ZNF189: variants seen among roughly 807,000 people sequenced by gnomAD.
The protein encoded by ZNF189 is zinc finger protein 189.
ZNF189 carries 33 observed loss-of-function variants against 53.5 expected under a neutral mutation model. The observed-to-expected ratio is 0.62, with a 90% CI of 0.47 to 0.82. ZNF189 has a LOEUF of 0.82. Among genes scored for constraint, ZNF189 ranks in the 40% least tolerant of loss-of-function variants. The probability of loss-of-function intolerance (pLI) is 0.00; values close to 1 mark genes in which losing one functional copy is unlikely to be tolerated. For missense variants in ZNF189, 711 were observed against 753.9 expected (o/e 0.94, Z 0.67); for synonymous variants, 247 against 238.8 (o/e 1.03, Z -0.32).
chr9:101,399,081 C>A lies in ZNF189; in HGVS notation c.-76C>A. 1 of 1,029,696 alleles carries A rather than the reference C, an allele frequency of 9.7e-7. No individual in the cohort carries two copies. The highest frequency in any genetic ancestry group is 1.5e-6 in the Non-Finnish European group (1 of 655,046). The allele number at this position is 1,029,696 out of a possible 1,614,324, so 63.8% of individuals were successfully genotyped here. A position where few individuals can be genotyped will look rare whatever the true frequency, so the allele number is the denominator to read the frequency against. ...CGTATTCGTCGAGCCTAATTTCCAG[C>A]AGCCGGGTAGGCCTCACCAGAGGCT... is the stretch of plus-strand genomic sequence containing the variant. On this transcript the variant is annotated 5_prime_UTR_variant, in exon 1 of 3. Transcript: ENST00000339664.
rs1366807803 is a variant in ZNF189, at chr9:101,409,536, C to T, written c.1768C>T (p.His590Tyr). 6.2e-7 allele frequency: 1 copy of T among 1,613,924 alleles called. No homozygotes were observed. Among genetic ancestry groups the T allele is most frequent in the Non-Finnish European group, 8.5e-7 (1 of 1,180,004 alleles). ...QRSLVNHQKI[H>Y]AEVKTQETHE... ...CAGTCTTGTCAACCATCAGAAGATCCATGCAGAGGTGAAAACCCAAGAAAC... is the reference window on the plus strand; with the variant it reads ...CAGTCTTGTCAACCATCAGAAGATCTATGCAGAGGTGAAAACCCAAGAAAC... Residue 590 changes from histidine (H) to tyrosine (Y), a missense_variant, in exon 3 of 3, where the codon CAT becomes TAT. Physicochemically the swap from His to Tyr is moderately conservative, Grantham distance 83 (BLOSUM62 2). Coordinates refer to ENST00000339664, the MANE Select transcript of ZNF189 (RefSeq NM_003452.4).
intron 2 of ZNF189, 69 bp from the exon 3 acceptor site, chr9:101,407,860 C>A: frequency 7.2e-7 from 1 of 1,395,850 alleles, no homozygotes; most frequent in Non-Finnish European, 9.5e-7. Flanking sequence ...TTTGTTTGCC[C>A]ATCTTACTTT....
In ZNF189 at chr9:101,408,230, A is replaced by G. The variant is rs750987078; in HGVS notation, c.462A>G (p.Gly154=). 7.4e-6 allele frequency: 12 copies of G among 1,614,072 alleles called. No homozygotes were observed. The highest frequency in any genetic ancestry group is 9.3e-6 in the Non-Finnish European group (11 of 1,180,038). Residue 154 remains glycine (G), a synonymous_variant, in exon 3 of 3, where the codon GGA becomes GGG. Transcript: ENST00000339664. ...EEKCHKCEEC[G]KGFVRKAHFI... ...AATGCCATAAATGTGAAGAATGTGG[A>G]AAGGGTTTTGTCCGCAAGGCCCATT...
Position 101,409,117 on chromosome 9 carries a change from A to G in ZNF189, c.1349A>G (p.Tyr450Cys). The change falls in exon 3 of 3, where the codon TAC (tyrosine) becomes TGC (cysteine). Residue 450 changes from tyrosine to cysteine, a missense_variant. By Grantham distance (194) the Tyr-to-Cys change is radical. Coordinates refer to ENST00000339664, the MANE Select transcript of ZNF189 (RefSeq NM_003452.4). Reference protein sequence around the residue: ...NCSLVIQQEVYPKEKSYKCDE... With the variant: ...NCSLVIQQEVCPKEKSYKCDE... ...AGTCTTGTTATACAGCAGGAAGTCTACCCTAAGGAGAAATCTTATAAATGT... is the reference window on the plus strand; with the variant it reads ...AGTCTTGTTATACAGCAGGAAGTCTGCCCTAAGGAGAAATCTTATAAATGT... 1.2e-6 allele frequency: 2 copies of G among 1,614,004 alleles called. No homozygotes were observed. The highest frequency in any genetic ancestry group is 1.7e-5 in the Admixed American group (1 of 60,006).
intron 2 of ZNF189, among the ~76,000 whole-genome samples, chr9:101,401,540 G>GA (rs911451725): frequency 3.3e-5 from 5 of 152,112 alleles, no homozygotes; most frequent in Admixed American, 6.5e-5. Context: ...GAGGAAAAAA[G>GA]AAAAAATCCC....
At chr9:101,401,109 C>G (rs1830515340) in intron 2 of ZNF189, among the ~76,000 whole-genome samples, 1 of 152,220 alleles carries the variant, frequency 6.6e-6, no homozygotes, top group Non-Finnish European at 1.5e-5. Context: ...TCACCTTTCT[C>G]TCTTTCCTAC....
At position 101,408,202 on chromosome 9, in the gene ZNF189, A is replaced by C. The variant is rs1830786680; in HGVS notation, c.434A>C (p.Glu145Ala). 6.2e-7 allele frequency: 1 copy of C among 1,614,088 alleles called. No homozygotes were observed. The highest frequency in any genetic ancestry group is 1.7e-5 in the Admixed American group (1 of 60,002). Residue 145 changes from glutamate (E) to alanine (A), a missense_variant, in exon 3 of 3, where the codon GAG (glutamate) becomes GCG (alanine). Glu to Ala is a moderately radical substitution (Grantham distance 107). Coordinates refer to ENST00000339664, the MANE Select transcript of ZNF189 (RefSeq NM_003452.4). ...NIIRKRPNSE[E>A]KCHKCEECGK... ...ATCCGTAAAAGACCAAACTCAGAAG[A>C]GAAATGCCATAAATGTGAAGAATGT...
rs765743762 is a variant in ZNF189, at chr9:101,408,308, A to T, written c.540A>T (p.Glu180Asp). 1 of 1,614,142 alleles carries T rather than the reference A, an allele frequency of 6.2e-7. No homozygotes were observed. Among genetic ancestry groups the T allele is most frequent in the Non-Finnish European group, 8.5e-7 (1 of 1,180,004 alleles). The change falls in exon 3 of 3, where the codon GAA (glutamate) becomes GAT (aspartate). Residue 180 changes from glutamate (E) to aspartate (D), a missense_variant. Transcript: ENST00000339664. ...HTGEKPFQCN[E>D]CGKSFSRSSF... ...GTGAGAAACCTTTTCAGTGCAATGA[A>T]TGTGGGAAAAGTTTTAGTCGCAGTT...
intron 2 of ZNF189, among the ~76,000 whole-genome samples, chr9:101,406,817 G>A (rs1433454707): frequency 6.6e-6 from 1 of 152,158 alleles, no homozygotes; most frequent in East Asian, 1.9e-4. Flanking sequence ...GGGCCTAGAT[G>A]TACTATATGA....
chr9:101,404,999 C>T (rs867245685), intron 2 of ZNF189, among the ~76,000 whole-genome samples: 5 of 149,636 alleles, frequency 3.3e-5, no homozygotes, highest in Admixed American at 6.7e-5. Context: ...ATCTTAAAAC[C>T]AAAAGTTTGC....
intron 2 of ZNF189, among the ~76,000 whole-genome samples, chr9:101,403,290 T>C (rs1311744095): frequency 6.6e-6 from 1 of 152,194 alleles, no homozygotes; most frequent in African/African-American, 2.4e-5. Flanking sequence ...GATCTTCTAC[T>C]TGTAGGCTGT....
rs936332619 is a variant in ZNF189 at position 101,408,472 on chromosome 9, A to G, written c.704A>G (p.Asn235Ser). The G allele has an allele frequency of 5.0e-6, 8 of 1,614,120 alleles. No homozygotes were observed. The highest frequency in any genetic ancestry group is 6.8e-6 in the Non-Finnish European group (8 of 1,180,010). The change falls in exon 3 of 3, where the codon AAT becomes AGT. Residue 235 changes from asparagine to serine, a missense_variant. Asn to Ser is a conservative substitution (Grantham distance 46). Coordinates refer to ENST00000339664, the MANE Select transcript of ZNF189 (RefSeq NM_003452.4). ...IHTGERPYQC[N>S]QCKQSFSQRR... ...ACTGGAGAAAGACCCTATCAGTGTAATCAGTGTAAACAGAGCTTCAGCCAG... is the reference window on the plus strand; with the variant it reads ...ACTGGAGAAAGACCCTATCAGTGTAGTCAGTGTAAACAGAGCTTCAGCCAG...
At chr9:101,399,312 G>A in intron 1 of ZNF189, 123 bp downstream of exon 1, 1 of 1,435,428 alleles carries the variant, frequency 7.0e-7, no homozygotes. Flanking sequence ...CCAGCGCCTT[G>A]CAAGGAACTC....
rs1830851458 is a variant in ZNF189 at position 101,409,381 on chromosome 9, A to G, written c.1613A>G (p.Lys538Arg). 1 of 1,614,034 alleles carries G rather than the reference A, an allele frequency of 6.2e-7. No individual in the cohort carries two copies. Among genetic ancestry groups the G allele is most frequent in the Non-Finnish European group, 8.5e-7 (1 of 1,180,034 alleles). ...IRHQGVHTGNKPHKCDECGKA... is the reference protein window; with the variant it reads ...IRHQGVHTGNRPHKCDECGKA... ...CATCAGGGTGTTCACACAGGTAATA[A>G]ACCCCATAAATGTGATGAATGTGGA... The change falls in exon 3 of 3, where the codon AAA becomes AGA. Residue 538 changes from lysine to arginine, a missense_variant. Coordinates refer to ENST00000339664, the MANE Select transcript of ZNF189 (RefSeq NM_003452.4).
chr9:101,408,863 C>G lies in ZNF189; in HGVS notation c.1095C>G (p.Ile365Met). 1 of 1,614,078 alleles carries G rather than the reference C, an allele frequency of 6.2e-7. No homozygotes were observed. The highest frequency in any genetic ancestry group is 1.1e-5 in the South Asian group (1 of 91,076). The change falls in exon 3 of 3, where the codon ATC (isoleucine) becomes ATG (methionine). Residue 365 changes from isoleucine (I) to methionine (M), a missense_variant. Physicochemically the swap from Ile to Met is conservative, Grantham distance 10 (BLOSUM62 1). Transcript: ENST00000339664. ...RSSFLIEHQR[I>M]HTGERPYQCK... The stretch of plus-strand genomic sequence containing the variant: ...CATTCCTTATTGAACATCAGAGGAT[C>G]CATACTGGTGAAAGACCTTATCAGT...
rs1254185393 is a variant in ZNF189, at chr9:101,402,204, C to T, written c.160+2194C>T. Among the ~76,000 whole-genome samples the T allele has an allele frequency of 3.3e-5, 5 of 152,236 alleles. No individual in the cohort carries two copies. The East Asian group carries it at 9.6e-4, about 29-fold the overall frequency. ...GTGCTGGGATTACAGGCGTGAGCCA[C>T]CGTGCGTGGCCCAAATCTTTATTTC... is the stretch of plus-strand genomic sequence containing the variant. On this transcript the variant is annotated intron_variant, in intron 2 of 2. Coordinates refer to ENST00000339664, the MANE Select transcript of ZNF189 (RefSeq NM_003452.4).
chr9:101,399,270 C>T (rs1407009100), intron 1 of ZNF189, 81 bp downstream of exon 1: 2 of 1,397,296 alleles, frequency 1.4e-6, no homozygotes, highest in Non-Finnish European at 1.9e-6. Context: ...TCCCCCAGGC[C>T]CCCCACCAAC....
chr9:101,405,445 T>G (rs1830674191), intron 2 of ZNF189, among the ~76,000 whole-genome samples: 2 of 152,054 alleles, frequency 1.3e-5, no homozygotes, highest in African/African-American at 4.8e-5. Flanking sequence ...TATAGGGTAA[T>G]GGATGATGGT....
intron 1 of ZNF189, chr9:101,399,523 A>T (rs1453751789): frequency 7.8e-7 from 1 of 1,278,364 alleles, no homozygotes; most frequent in Non-Finnish European, 9.9e-7. Context: ...CAGTGCCTGG[A>T]CCCCAAGGTA....
Sources: allele counts gnomAD v4.1 joint callset (sites outside exome capture counted in the v4.1 genomes callset), GRCh38; gene constraint gnomAD v4.1.1; transcripts MANE v1.5; gene names NCBI Gene and HGNC (gene_info 2026-07-23, HGNC 2026-07-21).